The following POTEE variants were observed in gnomAD, a reference collection of about 807,000 sequenced individuals.
The protein encoded by POTEE is ANKRD26-like family C member 1A.
A neutral mutation model predicts 74.2 loss-of-function variants in POTEE; 21 were observed. That is an observed-to-expected ratio of 0.28 (90% confidence interval 0.20 to 0.41). The LOEUF (loss-of-function observed/expected upper bound fraction) is 0.41, where lower values mean the gene tolerates loss of function less well. POTEE is among the 10% of genes least tolerant of loss of function. POTEE has a pLI of 1.00. For synonymous variants in POTEE, 211 were observed against 432.8 expected, an observed-to-expected ratio of 0.49 and a Z score of 6.36; for missense variants, 525 against 1,158.6, an observed-to-expected ratio of 0.45 and a Z score of 7.94.
At chr2:131,222,071 C>T (rs1458051633) in intron 4 of POTEE, among the ~76,000 whole-genome samples, 7 of 152,334 alleles carry the variant, frequency 4.6e-5, no homozygotes, top group Middle Eastern at 6.8e-3. Context: ...GCTTTTCCTC[C>T]CTCCTTTCAA....
At chr2:131,216,352 G>A (rs896118332) in intron 2 of POTEE, among the ~76,000 whole-genome samples, 5 of 151,810 alleles carry the variant, frequency 3.3e-5, no homozygotes, top group Admixed American at 1.3e-4. Flanking sequence ...AATCTGAATG[G>A]AACCACAAAA....
intron 4 of POTEE, among the ~76,000 whole-genome samples, chr2:131,220,158 C>T (rs1246387436): frequency 6.6e-6 from 1 of 151,664 alleles, no homozygotes; most frequent in Non-Finnish European, 1.5e-5. Context: ...AGAAACATAC[C>T]AGAAGAGAAA....
chr2:131,233,365 T>C (rs1202057800), intron 9 of POTEE, among the ~76,000 whole-genome samples: 1 of 152,024 alleles, frequency 6.6e-6, no homozygotes, highest in Non-Finnish European at 1.5e-5. Flanking sequence ...TATAAAACTT[T>C]ATTTACAAAA....
chr2:131,210,615 C>T (rs1178846814), intron 1 of POTEE, among the ~76,000 whole-genome samples: 3 of 151,918 alleles, frequency 2.0e-5, no homozygotes, highest in Non-Finnish European at 4.4e-5. Flanking sequence ...CGGCCTGCAC[C>T]TCCCGCCCAC....
chr2:131,212,846 G>A (rs1700385907), intron 2 of POTEE, among the ~76,000 whole-genome samples: 1 of 151,100 alleles, frequency 6.6e-6, no homozygotes, highest in Non-Finnish European at 1.5e-5. Context: ...TTGGAGGTGT[G>A]AGCCACCACG....
chr2:131,211,541 G>C (rs866335809), intron 2 of POTEE, among the ~76,000 whole-genome samples: 2 of 7,552 alleles, frequency 2.6e-4, no homozygotes, highest in Non-Finnish European at 1.0e-3. Context: ...TGTGTGTGTG[G>C]CTTTTTTTTT....
chr2:131,227,375 G>A (rs1302129044), intron 7 of POTEE, among the ~76,000 whole-genome samples: 4 of 148,564 alleles, frequency 2.7e-5, no homozygotes, highest in Admixed American at 1.3e-4. Context: ...TTTGCTTTAA[G>A]TTGCTTTCTT....
chr2:131,217,765 ACG>A, intron 3 of POTEE, among the ~76,000 whole-genome samples, 82 bp downstream of exon 3: 1 of 11,144 alleles, frequency 9.0e-5, no homozygotes, highest in Non-Finnish European at 7.2e-4. Context: ...CGCACGCCGC[ACG>A]CGCACGCCGC....
chr2:131,211,387 C>T lies in POTEE; in HGVS notation c.-189+204C>T, dbSNP rs528302201. Among the ~76,000 whole-genome samples, 18 of 151,230 alleles carry T rather than the reference C, an allele frequency of 1.2e-4. No individual in the cohort carries two copies. The East Asian group carries it at 2.5e-3, about 21-fold the overall frequency. On this transcript the variant is annotated intron_variant, in intron 2 of 17. Transcript: ENST00000683005. The stretch of plus-strand genomic sequence containing the variant: ...CCTGCTGGTGCTGTACCATGGGCCT[C>T]GGTGGCAGTGGTGGAGGTGCACTTA...
rs369294973 is a variant in POTEE at position 131,264,174 on chromosome 2, G to A, written c.2719G>A (p.Glu907Lys). ...TAGGTTCACCACCATGGCCGAGCGG[G>A]AAATCGTGCGTGACATCAAAGAGAA... is the stretch of plus-strand genomic sequence containing the variant. ...GYRFTTMAER[E>K]IVRDIKEKLC... is the part of the protein sequence containing the mutation. The change falls in exon 18 of 18, where the codon GAA becomes AAA. Residue 907 changes from glutamate (E) to lysine (K), a missense_variant. Coordinates refer to ENST00000683005, the MANE Select transcript of POTEE (RefSeq NM_001083538.3). The A allele has an allele frequency of 1.8e-4, 290 of 1,614,260 alleles. No homozygotes were observed. In the African/African-American group the frequency reaches 3.6e-3, roughly 20 times the overall value.
chr2:131,263,805 AAG>A lies in POTEE; in HGVS notation c.2352_2353del (p.Lys784AsnfsTer41). ...CATCACCAACTGGGATGACATGGAG[AAG>A]ATCTGGCACCACACCTTCTACAACG... is the stretch of plus-strand genomic sequence containing the variant. ...GIITNWDDME[K>X]IWHHTFYNEL... On this transcript the variant is annotated frameshift_variant, in exon 18 of 18. Transcript: ENST00000683005. LOFTEE classifies it high-confidence loss of function. 1.2e-6 allele frequency: 2 copies of A among 1,613,886 alleles called. No homozygotes were observed. Among genetic ancestry groups the A allele is most frequent in the South Asian group, 2.2e-5 (2 of 91,050 alleles).
intron 16 of POTEE, among the ~76,000 whole-genome samples, chr2:131,256,843 A>AC (rs1321676149): frequency 6.6e-6 from 1 of 152,284 alleles, no homozygotes; most frequent in Non-Finnish European, 1.5e-5. Context: ...ACAGAAAGGA[A>AC]TTAGGATTGT....
intron 6 of POTEE, among the ~76,000 whole-genome samples, chr2:131,225,927 C>T (rs925509783): frequency 6.6e-6 from 1 of 152,142 alleles, no homozygotes; most frequent in African/African-American, 2.4e-5. Flanking sequence ...ATCAGTTATT[C>T]ACTGCTGTTC....
At chr2:131,212,293 C>A (rs566590635) in intron 2 of POTEE, among the ~76,000 whole-genome samples, 53 of 151,708 alleles carry the variant, frequency 3.5e-4, no homozygotes, top group African/African-American at 1.1e-3. Flanking sequence ...TTAATTACAT[C>A]CTACTGCTCA....
At chr2:131,225,518 GT>G (rs1700755065) in intron 6 of POTEE, among the ~76,000 whole-genome samples, 1 of 145,224 alleles carries the variant, frequency 6.9e-6, no homozygotes, top group African/African-American at 2.5e-5. Context: ...AAGAGTTGGG[GT>G]TGGATATGTG....
At chr2:131,235,697 C>A (rs1355121953) in intron 9 of POTEE, among the ~76,000 whole-genome samples, 1 of 140,618 alleles carries the variant, frequency 7.1e-6, no homozygotes, top group Non-Finnish European at 1.5e-5. Flanking sequence ...GAGACTGAGA[C>A]AGGAGAATCG....
rs1473044411 is a variant in POTEE at position 131,209,832 on chromosome 2, GGGATGTACTGCCCGCCTGT to G, written c.-345+16_-345+34del. Among the ~76,000 whole-genome samples, 3 of 151,954 alleles carry G rather than the reference GGGATGTACTGCCCGCCTGT, an allele frequency of 2.0e-5. No homozygotes were observed. Among genetic ancestry groups the G allele is most frequent in the African/African-American group, 7.3e-5 (3 of 41,378 alleles). ...TGTCCTGGTGTAGGTGAGTTATCCG[GGGATGTACTGCCCGCCTGT>G]GGGGGCAGGGGTTGGGTGTCCTATT... On this transcript the variant is annotated intron_variant, in intron 1 of 17. Coordinates refer to ENST00000683005, the MANE Select transcript of POTEE (RefSeq NM_001083538.3).
rs1156676312 is a variant in POTEE, at chr2:131,258,621, G to A, written c.1779-3105G>A. ...TAACAATTTTCTGCTGGCAAATCTAGCTTTTTCTATATTTTGACTGAATAG... is the reference window on the plus strand; with the variant it reads ...TAACAATTTTCTGCTGGCAAATCTAACTTTTTCTATATTTTGACTGAATAG... On this transcript the variant is annotated intron_variant, in intron 16 of 17. Transcript: ENST00000683005. 3.3e-5 allele frequency among the ~76,000 whole-genome samples: 5 copies of A among 151,772 alleles called. No homozygotes were observed. The East Asian group carries it at 7.7e-4, about 23-fold the overall frequency.
chr2:131,210,986 A>G (rs999062221), intron 1 of POTEE, among the ~76,000 whole-genome samples, 42 bp from the exon 2 acceptor site: 2 of 151,176 alleles, frequency 1.3e-5, no homozygotes, highest in African/African-American at 4.9e-5. Flanking sequence ...CAGCATGACA[A>G]GGTGAGGCTC....
Sources: allele counts gnomAD v4.1 joint callset (sites outside exome capture counted in the v4.1 genomes callset), GRCh38; gene constraint gnomAD v4.1.1; transcripts MANE v1.5; gene names NCBI Gene and HGNC (gene_info 2026-07-23, HGNC 2026-07-21).